Variants in TGFBR2 observed in about 807,000 individuals in gnomAD.
TGFBR2 encodes TGF-beta receptor type-2.
Under a neutral mutation model 49.0 loss-of-function variants are expected in TGFBR2, and 18 were observed. That is an observed-to-expected ratio of 0.37 (90% confidence interval 0.25 to 0.54). The LOEUF is 0.54. Among genes scored for constraint, TGFBR2 ranks in the 20% least tolerant of loss-of-function variants. The pLI, the probability that TGFBR2 is intolerant of heterozygous loss-of-function variation, is 0.85. For synonymous variants in TGFBR2, 282 were observed against 275.9 expected, an observed-to-expected ratio of 1.02 and a Z score of -0.22; for missense variants, 525 against 722.6, an observed-to-expected ratio of 0.73 and a Z score of 3.13.
rs2125410819 is a variant in TGFBR2 at position 30,650,464 on chromosome 3, A to G, written c.454+4A>G. 1 of 1,613,684 alleles carries G rather than the reference A, an allele frequency of 6.2e-7. No individual in the cohort carries two copies. Among genetic ancestry groups the G allele is most frequent in the Non-Finnish European group, 8.5e-7 (1 of 1,179,870 alleles). On this transcript the variant is annotated splice_donor_region_variant and intron_variant, in intron 3 of 6. Coordinates refer to ENST00000295754, the MANE Select transcript of TGFBR2 (RefSeq NM_003242.6). ...GACAACATCATCTTCTCAGAAGGTGAGTTTTCTTCTCTTAAGGGTGTGGGA... is the reference window on the plus strand; with the variant it reads ...GACAACATCATCTTCTCAGAAGGTGGGTTTTCTTCTCTTAAGGGTGTGGGA...
chr3:30,685,037 A>G (rs945089660), intron 5 of TGFBR2, among the ~76,000 whole-genome samples: 1 of 152,188 alleles, frequency 6.6e-6, no homozygotes, highest in Non-Finnish European at 1.5e-5. Flanking sequence ...CTCAAGGACT[A>G]TCAGCCATGA....
Position 30,672,292 on chromosome 3 carries a change from G to T in TGFBR2, c.1109G>T (p.Arg370Met), listed in dbSNP as rs550421922. 6.2e-7 allele frequency: 1 copy of T among 1,606,302 alleles called. No homozygotes were observed. Among genetic ancestry groups the T allele is most frequent in the South Asian group, 1.1e-5 (1 of 89,894 alleles). The change falls in exon 4 of 7, where the codon AGG becomes ATG. Residue 370 changes from arginine to methionine, a missense_variant. This residue lies in a region of TGFBR2 where 376 missense variants were observed against 478.2 expected (regional missense o/e 0.79). Transcript: ENST00000295754. The surrounding 1 kb of genome is among the most constrained non-coding windows in gnomAD (Gnocchi z 4.5). ...CACAGTGATCACACTCCATGTGGGA[G>T]GCCCAAGATGCCCATCGTGCACAGG... ...HLHSDHTPCG[R>M]PKMPIVHRDL...
At chr3:30,654,958 T>G (rs1698967206) in intron 3 of TGFBR2, among the ~76,000 whole-genome samples, 1 of 152,138 alleles carries the variant, frequency 6.6e-6, no homozygotes, top group African/African-American at 2.4e-5. Flanking sequence ...AGAGAAACGG[T>G]CTAGTGTAAT....
chr3:30,625,301 C>T (rs1020169603), intron 1 of TGFBR2, among the ~76,000 whole-genome samples: 8 of 152,080 alleles, frequency 5.3e-5, no homozygotes, highest in East Asian at 1.9e-4. Context: ...GCTTGTGTAA[C>T]GTCTGTTTAG....
At chr3:30,613,467 G>A (rs1698067762) in intron 1 of TGFBR2, among the ~76,000 whole-genome samples, 1 of 152,062 alleles carries the variant, frequency 6.6e-6, no homozygotes, top group African/African-American at 2.4e-5. Context: ...TACTGGTTGT[G>A]CAATCTCTGC....
chr3:30,641,668 T>C (rs1698648201), intron 1 of TGFBR2, among the ~76,000 whole-genome samples: 1 of 152,112 alleles, frequency 6.6e-6, no homozygotes. Flanking sequence ...CATGTGCAAA[T>C]TCTTATTGTA....
intron 1 of TGFBR2, among the ~76,000 whole-genome samples, chr3:30,617,418 A>G (rs1189000214): frequency 6.6e-6 from 1 of 152,214 alleles, no homozygotes; most frequent in African/African-American, 2.4e-5. Flanking sequence ...TCCTTCAAGT[A>G]TGTGAAAAGG....
intron 5 of TGFBR2, among the ~76,000 whole-genome samples, chr3:30,683,122 T>A (rs1398862761): frequency 6.6e-6 from 1 of 152,238 alleles, no homozygotes; most frequent in Non-Finnish European, 1.5e-5. Context: ...GGATGTTGGA[T>A]CCCGTCTCTG....
intron 1 of TGFBR2, among the ~76,000 whole-genome samples, chr3:30,636,249 G>C (rs1698529612): frequency 6.6e-6 from 1 of 150,552 alleles, no homozygotes; most frequent in Non-Finnish European, 1.5e-5. Flanking sequence ...CCCGTACTAG[G>C]TATTTTACTA....
At chr3:30,646,562 C>T (rs1575144630) in intron 2 of TGFBR2, among the ~76,000 whole-genome samples, 2 of 152,274 alleles carry the variant, frequency 1.3e-5, no homozygotes, top group East Asian at 3.9e-4. Context: ...ATAACATTTG[C>T]AAGGCAGGCA....
intron 5 of TGFBR2, among the ~76,000 whole-genome samples, chr3:30,678,659 T>C (rs1699484089): frequency 6.6e-6 from 1 of 151,696 alleles, no homozygotes; most frequent in South Asian, 2.1e-4. Flanking sequence ...GTATAGTGGA[T>C]CTACCCACTG....
intron 1 of TGFBR2, among the ~76,000 whole-genome samples, chr3:30,636,082 G>A (rs949950449): frequency 1.3e-5 from 2 of 152,010 alleles, no homozygotes; most frequent in African/African-American, 4.8e-5. Context: ...GTTGTGTGGA[G>A]AGTATCCCAG....
rs1478373680 is a variant in TGFBR2, at chr3:30,676,728, AC to A, written c.1396+2487del. ...CAATTCTCCAGCGTGGGTCCGGGTC[AC>A]CCCCTCCCATCCTGCACCCTGCTGA... is the stretch of plus-strand genomic sequence containing the variant. On this transcript the variant is annotated intron_variant, in intron 5 of 6. Coordinates refer to ENST00000295754, the MANE Select transcript of TGFBR2 (RefSeq NM_003242.6). This position sits in a 1 kb window ranked among gnomAD's most constrained non-coding sequence, Gnocchi z 4.3. Among the ~76,000 whole-genome samples the A allele has an allele frequency of 6.6e-6, 1 of 151,936 alleles. No individual in the cohort carries two copies. Among genetic ancestry groups the A allele is most frequent in the Non-Finnish European group, 1.5e-5 (1 of 67,994 alleles).
At chr3:30,685,253 A>G (rs558577848) in intron 5 of TGFBR2, among the ~76,000 whole-genome samples, 3 of 152,320 alleles carry the variant, frequency 2.0e-5, no homozygotes, top group East Asian at 3.9e-4. Context: ...CGGTAATACA[A>G]TGTGAGATTC....
intron 1 of TGFBR2, among the ~76,000 whole-genome samples, chr3:30,607,259 C>T (rs961636217): frequency 6.6e-6 from 1 of 152,214 alleles, no homozygotes; most frequent in Non-Finnish European, 1.5e-5. Context: ...GAGGCGAGCC[C>T]CCACCCCCGG....
At chr3:30,682,036 C>G (rs1030439994) in intron 5 of TGFBR2, among the ~76,000 whole-genome samples, 5 of 152,194 alleles carry the variant, frequency 3.3e-5, no homozygotes, top group African/African-American at 1.2e-4. Flanking sequence ...GGTGTTTTAT[C>G]TTTCCAATTC....
At chr3:30,686,677 G>T (rs1699629148) in intron 5 of TGFBR2, among the ~76,000 whole-genome samples, 1 of 152,186 alleles carries the variant, frequency 6.6e-6, no homozygotes, top group African/African-American at 2.4e-5. Context: ...CATTAAATAA[G>T]ATTATTTTGA....
intron 1 of TGFBR2, among the ~76,000 whole-genome samples, chr3:30,624,427 C>A (rs1698291472): frequency 6.6e-6 from 1 of 151,920 alleles, no homozygotes; most frequent in Non-Finnish European, 1.5e-5. Context: ...ACCATCCTGG[C>A]CAACATGGTG....
At chr3:30,689,261 G>A (rs1178170308) in intron 6 of TGFBR2, among the ~76,000 whole-genome samples, 1 of 152,158 alleles carries the variant, frequency 6.6e-6, no homozygotes, top group African/African-American at 2.4e-5. Flanking sequence ...GCAATGGTCA[G>A]AGAAAAAAGA....
Sources: gnomAD v4.1 joint callset for allele counts (sites outside exome capture counted in the v4.1 genomes callset) on GRCh38, gnomAD v4.1.1 for gene constraint, gnomAD v4.1.1 regional missense constraint, Gnocchi (gnomAD v3.1) non-coding constraint, MANE v1.5 for transcripts, NCBI Gene and HGNC (gene_info 2026-07-23, HGNC 2026-07-21) for gene names.